The following SLC9A1 variants were observed in gnomAD, a reference collection of about 807,000 sequenced individuals.
SLC9A1 encodes solute carrier family 9 member A1.
In SLC9A1, 22 loss-of-function variants were observed where a neutral mutation model predicts 67.9. The observed-to-expected ratio is 0.32, with a 90% CI of 0.23 to 0.46. The LOEUF (loss-of-function observed/expected upper bound fraction) is 0.46, where lower values mean the gene tolerates loss of function less well. SLC9A1 is among the 20% of genes least tolerant of loss of function. The probability of loss-of-function intolerance (pLI) is 1.00; values close to 1 mark genes in which losing one functional copy is unlikely to be tolerated. For missense variants in SLC9A1, 686 were observed against 1,094.8 expected (o/e 0.63, Z 5.27); for synonymous variants, 421 against 471.8 (o/e 0.89, Z 1.40).
Position 27,144,223 on chromosome 1 carries a change from G to A in SLC9A1, c.352+9760C>T, listed in dbSNP as rs548097024. ...AAGCCACTGGTCTCATTAATTCACA[G>A]TCACAGTGCAGTTTACGGCTTGAGG... On this transcript the variant is annotated intron_variant, in intron 1 of 11. Coordinates refer to ENST00000263980, the MANE Select transcript of SLC9A1 (RefSeq NM_003047.5). Among the ~76,000 whole-genome samples the A allele has an allele frequency of 4.0e-4, 61 of 152,308 alleles. No individual in the cohort carries two copies. In the South Asian group the frequency reaches 7.2e-3, roughly 18 times the overall value.
chr1:27,134,203 C>T (rs1160270566), intron 1 of SLC9A1, among the ~76,000 whole-genome samples: 1 of 152,028 alleles, frequency 6.6e-6, no homozygotes, highest in African/African-American at 2.4e-5. Flanking sequence ...GGAAGAGGAA[C>T]AGTGCAGACT....
intron 1 of SLC9A1, among the ~76,000 whole-genome samples, chr1:27,136,531 A>T (rs1570879300): frequency 1.3e-5 from 1 of 76,086 alleles, no homozygotes; most frequent in Admixed American, 1.0e-4. Flanking sequence ...GGATAAGACC[A>T]GGAGTTTTGA....
chr1:27,106,452 T>G lies in SLC9A1; in HGVS notation c.1283-365A>C. On this transcript the variant is annotated intron_variant, in intron 4 of 11. Transcript: ENST00000263980. This position sits in a 1 kb window ranked among gnomAD's most constrained non-coding sequence, Gnocchi z 4.3. ...ATCCTATTCTCTCTACTTTTCTAAG[T>G]ACTTGAAATTTTCCATAATAAAGCA... Among the ~76,000 whole-genome samples the G allele has an allele frequency of 6.6e-6, 1 of 152,092 alleles. No homozygotes were observed. Among genetic ancestry groups the G allele is most frequent in the East Asian group, 1.9e-4 (1 of 5,200 alleles).
At chr1:27,144,005 GTTTT>G (rs1326507644) in intron 1 of SLC9A1, among the ~76,000 whole-genome samples, 1 of 152,028 alleles carries the variant, frequency 6.6e-6, no homozygotes, top group Non-Finnish European at 1.5e-5. Context: ...GTACTGTTGG[GTTTT>G]ATTTTTGTTG....
chr1:27,153,553 C>T (rs542915640), intron 1 of SLC9A1, among the ~76,000 whole-genome samples: 4 of 152,336 alleles, frequency 2.6e-5, no homozygotes, highest in South Asian at 4.1e-4. Context: ...TCCTGGAACA[C>T]GCTCCAGTGA....
Position 27,101,973 on chromosome 1 carries a change from G to A in SLC9A1, c.1935+43C>T. ...GGGCTGCCGTAGAGAGGGGCTGAAG[G>A]GCTCCTGTACCCTGGGGGTCGGGCT... On this transcript the variant is annotated intron_variant, in intron 9 of 11. Coordinates refer to ENST00000263980, the MANE Select transcript of SLC9A1 (RefSeq NM_003047.5). The surrounding 1 kb of genome is among the most constrained non-coding windows in gnomAD (Gnocchi z 4.9). The A allele has an allele frequency of 6.6e-7, 1 of 1,515,648 alleles. No homozygotes were observed. 93.9% of individuals were successfully genotyped at this position (1,515,648 alleles called of 1,614,324 possible).
chr1:27,106,611 C>CCTAACCCT lies in SLC9A1; in HGVS notation c.1283-532_1283-525dup, dbSNP rs897469851. Among the ~76,000 whole-genome samples the CCTAACCCT allele has an allele frequency of 2.6e-5, 4 of 152,150 alleles. No homozygotes were observed. Among genetic ancestry groups the CCTAACCCT allele is most frequent in the African/African-American group, 9.6e-5 (4 of 41,490 alleles). ...GTCCTGCCAGGCTTGGGGACATGGACCTAACCCTCAGAGAGGAAGTGAGAG... is the reference window on the plus strand; with the variant it reads ...GTCCTGCCAGGCTTGGGGACATGGACCTAACCCTCTAACCCTCAGAGAGGAAGTGAGAG... On this transcript the variant is annotated intron_variant, in intron 4 of 11. Transcript: ENST00000263980. This position sits in a 1 kb window ranked among gnomAD's most constrained non-coding sequence, Gnocchi z 4.3.
chr1:27,153,069 G>C (rs1158543955), intron 1 of SLC9A1, among the ~76,000 whole-genome samples: 1 of 152,174 alleles, frequency 6.6e-6, no homozygotes, highest in Non-Finnish European at 1.5e-5. Flanking sequence ...AGGCCTAGCA[G>C]GGAGACCAAT....
In SLC9A1 at chr1:27,105,953, G is replaced by A. The variant is rs758165525; in HGVS notation, c.1417C>T (p.His473Tyr). 2.5e-6 allele frequency: 4 copies of A among 1,613,622 alleles called. No individual in the cohort carries two copies. The highest frequency in any genetic ancestry group is 3.4e-6 in the Non-Finnish European group (4 of 1,180,022). The change falls in exon 5 of 12, where the codon CAC becomes TAC. Residue 473 changes from histidine (H) to tyrosine (Y), a missense_variant. Physicochemically the swap from His to Tyr is moderately conservative, Grantham distance 83. Transcript: ENST00000263980. Reference protein sequence around the residue: ...FSLGYLLDKKHFPMCDLFLTA... With the variant: ...FSLGYLLDKKYFPMCDLFLTA... ...AGGAACAGGTCACACATGGGGAAGT[G>A]CTTCTTGTCCAGGAGGTAGCCCAGA...
At chr1:27,151,293 C>T (rs1461903318) in intron 1 of SLC9A1, among the ~76,000 whole-genome samples, 1 of 152,146 alleles carries the variant, frequency 6.6e-6, no homozygotes, top group African/African-American at 2.4e-5. Context: ...CTTTTATGTG[C>T]ATTTATTTAT....
At chr1:27,130,712 T>C (rs1339580902) in intron 1 of SLC9A1, among the ~76,000 whole-genome samples, 2 of 152,130 alleles carry the variant, frequency 1.3e-5, no homozygotes, top group Non-Finnish European at 2.9e-5. Flanking sequence ...AATTTTCCAG[T>C]AGAGAAATTG....
chr1:27,120,044 C>T (rs2083294688), intron 1 of SLC9A1, among the ~76,000 whole-genome samples: 2 of 151,996 alleles, frequency 1.3e-5, no homozygotes, highest in South Asian at 2.1e-4. Flanking sequence ...TGCACTCCAG[C>T]CTGGTGACAG....
chr1:27,123,219 T>C (rs576698011), intron 1 of SLC9A1, among the ~76,000 whole-genome samples: 2 of 152,318 alleles, frequency 1.3e-5, no homozygotes, highest in African/African-American at 2.4e-5. Flanking sequence ...GTCATATAAG[T>C]GTTTAAGTAT....
chr1:27,103,442 A>G (rs2083162018), intron 5 of SLC9A1, 130 bp from the exon 6 acceptor site: 1 of 727,000 alleles, frequency 1.4e-6, no homozygotes, highest in South Asian at 1.5e-5. Flanking sequence ...CCAGGACCCA[A>G]GGGTGTGAGA....
intron 1 of SLC9A1, among the ~76,000 whole-genome samples, chr1:27,130,247 C>A (rs2083375697): frequency 6.6e-6 from 1 of 152,126 alleles, no homozygotes; most frequent in South Asian, 2.1e-4. Context: ...ATTACAGGCG[C>A]CCGCCACCAC....
At chr1:27,134,732 C>T (rs2083407516) in intron 1 of SLC9A1, among the ~76,000 whole-genome samples, 1 of 152,202 alleles carries the variant, frequency 6.6e-6, no homozygotes, top group African/African-American at 2.4e-5. Flanking sequence ...CAAAAGAGTA[C>T]AGACAGCACG....
chr1:27,131,947 A>AAAAAAAAATAT, intron 1 of SLC9A1, among the ~76,000 whole-genome samples: 223 of 52,056 alleles, frequency 4.3e-3, no homozygotes, highest in Non-Finnish European at 6.1e-3. Context: ...AGAAAAAAAA[A>AAAAAAAAATAT]ATATATATAT....
intron 4 of SLC9A1, among the ~76,000 whole-genome samples, chr1:27,107,382 C>A (rs1017840175): frequency 2.0e-5 from 3 of 150,208 alleles, no homozygotes; most frequent in Admixed American, 6.6e-5. Flanking sequence ...CACCCCCAAC[C>A]CCTCCACACA....
intron 1 of SLC9A1, among the ~76,000 whole-genome samples, chr1:27,135,054 C>A (rs536587849): frequency 6.6e-6 from 1 of 150,406 alleles, no homozygotes. Context: ...TGTTTTTATG[C>A]CAAATTTTTT....
Sources: allele counts gnomAD v4.1 joint callset (sites outside exome capture counted in the v4.1 genomes callset), GRCh38; gene constraint gnomAD v4.1.1; non-coding constraint Gnocchi (gnomAD v3.1); transcripts MANE v1.5; gene names NCBI Gene and HGNC (gene_info 2026-07-23, HGNC 2026-07-21).